DNAH14: variants seen among roughly 807,000 people sequenced by gnomAD.
The protein encoded by DNAH14 is dynein axonemal heavy chain 14.
Under a neutral mutation model 520.9 loss-of-function variants are expected in DNAH14, and 478 were observed. That is an observed-to-expected ratio of 0.92 (90% CI 0.85 to 0.99). The LOEUF is 0.99. Among genes scored for constraint, DNAH14 ranks in the 50% least tolerant of loss-of-function variants. DNAH14 has a pLI of 0.00. For missense variants in DNAH14, 4,831 were observed against 5,234.5 expected (o/e 0.92, Z 2.38); for synonymous variants, 1,581 against 1,757.2 (o/e 0.90, Z 2.51).
At chr1:225,079,863 C>T (rs1288717745) in intron 18 of DNAH14, among the ~76,000 whole-genome samples, 7 of 151,556 alleles carry the variant, frequency 4.6e-5, no homozygotes, top group Non-Finnish European at 1.0e-4. Flanking sequence ...TTAGTAGAGA[C>T]GAGGTTTCAC....
chr1:225,184,326 A>T (rs1187387267), intron 36 of DNAH14, among the ~76,000 whole-genome samples: 1 of 152,170 alleles, frequency 6.6e-6, no homozygotes, highest in Non-Finnish European at 1.5e-5. Flanking sequence ...CAGAATTAAA[A>T]ACCATATGAT....
chr1:225,260,657 G>T (rs1392391357), intron 46 of DNAH14, among the ~76,000 whole-genome samples: 1 of 151,854 alleles, frequency 6.6e-6, no homozygotes, highest in Non-Finnish European at 1.5e-5. Context: ...ATCTTTTGTG[G>T]TTCCACTGGC....
At chr1:225,076,961 A>G (rs1269781236) in intron 17 of DNAH14, among the ~76,000 whole-genome samples, 1 of 152,064 alleles carries the variant, frequency 6.6e-6, no homozygotes, top group East Asian at 1.9e-4. Flanking sequence ...AACACCCAAC[A>G]GGCCCCGGTG....
rs193295655 is a variant in DNAH14, at chr1:225,126,211, C to T, written c.4254+2597C>T. On this transcript the variant is annotated intron_variant, in intron 27 of 85. Transcript: ENST00000682510. Reference sequence around the variant, plus strand: ...GTGACGCAGAGACATGGAGTGAACACATACTATTGGAAAAAATGACACTGA... The same window carrying T: ...GTGACGCAGAGACATGGAGTGAACATATACTATTGGAAAAAATGACACTGA... Among the ~76,000 whole-genome samples, 9 of 152,190 alleles carry T rather than the reference C, an allele frequency of 5.9e-5. No homozygotes were observed. The East Asian group carries it at 1.7e-3, about 29-fold the overall frequency.
intron 60 of DNAH14, among the ~76,000 whole-genome samples, chr1:225,311,300 GT>G (rs1168727216): frequency 6.6e-6 from 1 of 151,940 alleles, no homozygotes; most frequent in Non-Finnish European, 1.5e-5. Flanking sequence ...GAGGTCGTTT[GT>G]TTTTTTCTTG....
At chr1:225,322,919 G>A in intron 62 of DNAH14, 96 bp downstream of exon 62, 1 of 1,226,056 alleles carries the variant, frequency 8.2e-7, no homozygotes, top group Non-Finnish European at 1.1e-6. Context: ...CTTAGATGGA[G>A]AGACTATTTT....
intron 55 of DNAH14, among the ~76,000 whole-genome samples, chr1:225,299,745 G>A (rs1364409351): frequency 2.6e-5 from 4 of 152,116 alleles, no homozygotes; most frequent in African/African-American, 9.7e-5. Context: ...GGCTTCTTCT[G>A]GCCATATCAT....
intron 81 of DNAH14, among the ~76,000 whole-genome samples, chr1:225,385,415 A>G (rs1315347575): frequency 1.3e-5 from 2 of 152,220 alleles, no homozygotes; most frequent in Non-Finnish European, 2.9e-5. Context: ...AGGGTATTCA[A>G]TTAGGAAAAG....
chr1:225,156,533 T>G (rs1291634250), intron 34 of DNAH14, among the ~76,000 whole-genome samples: 1 of 152,100 alleles, frequency 6.6e-6, no homozygotes, highest in Non-Finnish European at 1.5e-5. Context: ...TAAAGTAACA[T>G]AACCTCAGCT....
At chr1:225,053,717 T>C (rs1196142270) in intron 17 of DNAH14, among the ~76,000 whole-genome samples, 3 of 152,138 alleles carry the variant, frequency 2.0e-5, no homozygotes, top group Non-Finnish European at 4.4e-5. Context: ...GTTTTCAGGT[T>C]TTGGGTTGGG....
At chr1:225,233,965 T>C (rs1398296292) in intron 42 of DNAH14, among the ~76,000 whole-genome samples, 1 of 152,256 alleles carries the variant, frequency 6.6e-6, no homozygotes, top group African/African-American at 2.4e-5. Flanking sequence ...AATTTTTGTA[T>C]AACGTGTAAG....
intron 21 of DNAH14, among the ~76,000 whole-genome samples, chr1:225,088,668 A>G (rs540503816): frequency 6.6e-6 from 1 of 152,348 alleles, no homozygotes; most frequent in South Asian, 2.1e-4. Context: ...ACATAGATTT[A>G]CACTCAATAC....
chr1:225,285,270 C>T (rs2093711562), intron 54 of DNAH14, among the ~76,000 whole-genome samples: 1 of 152,122 alleles, frequency 6.6e-6, no homozygotes, highest in Admixed American at 6.6e-5. Flanking sequence ...ATAAACAGGC[C>T]AGGCATGGTG....
At chr1:225,203,844 T>G (rs2087182226) in intron 38 of DNAH14, among the ~76,000 whole-genome samples, 1 of 150,958 alleles carries the variant, frequency 6.6e-6, no homozygotes, top group South Asian at 2.1e-4. Context: ...GAAAAAAAAA[T>G]ACACCAAAAT....
intron 76 of DNAH14, among the ~76,000 whole-genome samples, chr1:225,365,306 G>A (rs1575040789): frequency 6.6e-6 from 1 of 152,140 alleles, no homozygotes; most frequent in African/African-American, 2.4e-5. Flanking sequence ...GATTATCTGG[G>A]ACTTCTCATA....
chr1:225,377,580 T>TGAAACC, intron 79 of DNAH14, 144 bp downstream of exon 79: 1 of 739,512 alleles, frequency 1.4e-6, no homozygotes, highest in East Asian at 2.9e-5. Context: ...AGCAACATGG[T>TGAAACC]GAAACCCTGT....
At position 225,145,301 on chromosome 1, in the gene DNAH14, A is replaced by T. The variant is rs745986395; in HGVS notation, c.4741-25A>T. Reference sequence around the variant, plus strand: ...TATTTTGTGTCATAATTCAAGAAAGATACTAAAATATTTTTGTTTCCCAGT... The same window carrying T: ...TATTTTGTGTCATAATTCAAGAAAGTTACTAAAATATTTTTGTTTCCCAGT... On this transcript the variant is annotated intron_variant, in intron 29 of 85. Coordinates refer to ENST00000682510, the MANE Select transcript of DNAH14 (RefSeq NM_001367479.1). The T allele has an allele frequency of 1.0e-5, 16 of 1,527,570 alleles. No individual in the cohort carries two copies. In the African/African-American group the frequency reaches 1.5e-4, roughly 14 times the overall value. The allele number at this position is 1,527,570 out of a possible 1,614,324, so 94.6% of individuals were successfully genotyped here.
intron 10 of DNAH14, among the ~76,000 whole-genome samples, chr1:225,015,491 G>T (rs773277957): frequency 9.9e-5 from 15 of 152,032 alleles, no homozygotes; most frequent in Non-Finnish European, 2.2e-4. Flanking sequence ...TTGCATGTTT[G>T]CACGATGGTG....
At position 225,023,873 on chromosome 1, in the gene DNAH14, A is replaced by T; in HGVS notation, c.1358+8A>T. On this transcript the variant is annotated splice_region_variant and intron_variant, in intron 11 of 85. Transcript: ENST00000682510. ...GAATGAAAATCTTATCAGGTAAATT[A>T]CTTTTTTGAAGTCAAAAAGTAACTT... The T allele has an allele frequency of 1.3e-6, 2 of 1,515,948 alleles. No individual in the cohort carries two copies. Among genetic ancestry groups the T allele is most frequent in the Non-Finnish European group, 1.8e-6 (2 of 1,127,652 alleles). The allele number at this position is 1,515,948 out of a possible 1,614,324, so 93.9% of individuals were successfully genotyped here.
Sources: gnomAD v4.1 joint callset for allele counts (sites outside exome capture counted in the v4.1 genomes callset) on GRCh38, gnomAD v4.1.1 for gene constraint, MANE v1.5 for transcripts, NCBI Gene and HGNC (gene_info 2026-07-23, HGNC 2026-07-21) for gene names.